MAF: variants seen among roughly 807,000 people sequenced by gnomAD.
The protein encoded by MAF is transcription factor Maf.
In MAF, 10 loss-of-function variants were observed where a neutral mutation model predicts 22.0. The observed-to-expected ratio is 0.45, with a 90% CI of 0.28 to 0.77. The LOEUF (loss-of-function observed/expected upper bound fraction) is 0.77, where lower values mean the gene tolerates loss of function less well. MAF is among the 30% of genes least tolerant of loss of function. The pLI is 0.12. For missense variants in MAF, 544 were observed against 548.4 expected (o/e 0.99, Z 0.08); for synonymous variants, 337 against 255.8 (o/e 1.32, Z -3.03).
chr16:79,389,843 G>T, the MAF span, among the ~76,000 whole-genome samples: 2 of 151,596 alleles, frequency 1.3e-5, no homozygotes, highest in Non-Finnish European at 2.9e-5. Context: ...AGGCGTGGTG[G>T]TGGGCGCCTG....
chr16:79,594,559 A>T lies in MAF; in HGVS notation c.1119-6T>A, dbSNP rs746517925. Reference sequence around the variant, plus strand: ...ACTTGCGAGTGGGCTCAGTTCTGTAATTGGAATGAAAGGAATTTTAACACT... The same window carrying T: ...ACTTGCGAGTGGGCTCAGTTCTGTATTTGGAATGAAAGGAATTTTAACACT... On this transcript the variant is annotated splice_region_variant and splice_polypyrimidine_tract_variant and intron_variant, in intron 1 of 1. Coordinates refer to ENST00000326043, the MANE Select transcript of MAF (RefSeq NM_005360.5). 7 of 1,557,068 alleles carry T rather than the reference A, an allele frequency of 4.5e-6. No homozygotes were observed. Among genetic ancestry groups the T allele is most frequent in the Non-Finnish European group, 6.1e-6 (7 of 1,148,872 alleles).
At chr16:79,541,445 A>G in the MAF span, among the ~76,000 whole-genome samples, 5 of 152,034 alleles carry the variant, frequency 3.3e-5, no homozygotes, top group Non-Finnish European at 5.9e-5. Context: ...CAGGGACTCT[A>G]GGCACAGTAG....
At chr16:79,437,702 C>T in the MAF span, among the ~76,000 whole-genome samples, 3 of 152,124 alleles carry the variant, frequency 2.0e-5, no homozygotes, top group Admixed American at 6.5e-5. Flanking sequence ...TTACTCTCTG[C>T]TAGCTTCCAG....
chr16:79,407,101 C>T, the MAF span, among the ~76,000 whole-genome samples: 3 of 152,206 alleles, frequency 2.0e-5, no homozygotes, highest in Non-Finnish European at 2.9e-5. Flanking sequence ...GGGAGGGTGT[C>T]GTCTGGCAGT....
At chr16:79,575,886 G>A in the MAF span, among the ~76,000 whole-genome samples, 1 of 152,072 alleles carries the variant, frequency 6.6e-6, no homozygotes, top group Non-Finnish European at 1.5e-5. Context: ...TCCTTGGAAG[G>A]CTCATTCCAT....
At chr16:79,239,752 A>C in the MAF span, among the ~76,000 whole-genome samples, 1 of 152,150 alleles carries the variant, frequency 6.6e-6, no homozygotes, top group East Asian at 1.9e-4. Flanking sequence ...AATCCCCAGA[A>C]GTTAGGATAG....
At chr16:79,379,221 A>G in the MAF span, among the ~76,000 whole-genome samples, 4 of 152,172 alleles carry the variant, frequency 2.6e-5, no homozygotes, top group African/African-American at 9.7e-5. Context: ...ACCCTAATAG[A>G]TTGGTTGTGT....
chr16:79,479,807 A>T, the MAF span, among the ~76,000 whole-genome samples: 35 of 152,278 alleles, frequency 2.3e-4, no homozygotes, highest in Admixed American at 4.6e-4. Flanking sequence ...GGCATTGTTG[A>T]CCTCATGTTA....
chr16:79,281,652 G>A, the MAF span, among the ~76,000 whole-genome samples: 3 of 150,282 alleles, frequency 2.0e-5, no homozygotes, highest in Non-Finnish European at 1.5e-5. Context: ...AGGTTCAAGC[G>A]ATTCTCCTTC....
At chr16:79,375,378 C>A in the MAF span, among the ~76,000 whole-genome samples, 1 of 152,132 alleles carries the variant, frequency 6.6e-6, no homozygotes, top group Non-Finnish European at 1.5e-5. Flanking sequence ...CTCAGATGCC[C>A]AGATAGTTCA....
the MAF span, among the ~76,000 whole-genome samples, chr16:79,482,256 C>T: frequency 5.9e-5 from 9 of 152,160 alleles, no homozygotes; most frequent in Admixed American, 1.3e-4. Context: ...ATTCTTGGCA[C>T]TTTCCTTCTT....
At chr16:79,573,280 A>T in the MAF span, among the ~76,000 whole-genome samples, 1 of 152,202 alleles carries the variant, frequency 6.6e-6, no homozygotes, top group African/African-American at 2.4e-5. Context: ...TGCTTATGTC[A>T]TCAAACTTAC....
the MAF span, among the ~76,000 whole-genome samples, chr16:79,301,887 G>C: frequency 6.6e-6 from 1 of 152,242 alleles, no homozygotes; most frequent in African/African-American, 2.4e-5. Flanking sequence ...AGTGGGGAAA[G>C]TGGCTCAGAG....
At chr16:79,441,668 G>T in the MAF span, among the ~76,000 whole-genome samples, 3 of 152,198 alleles carry the variant, frequency 2.0e-5, no homozygotes, top group African/African-American at 7.2e-5. Context: ...GCCTGCCCTG[G>T]CTCAGAAGCC....
the MAF span, among the ~76,000 whole-genome samples, chr16:79,417,026 T>C: frequency 1.3e-5 from 2 of 152,208 alleles, no homozygotes; most frequent in African/African-American, 4.8e-5. Flanking sequence ...GTTTCCACAA[T>C]GCCAGAATTC....
chr16:79,582,808 A>G (rs1211098028), downstream of MAF, among the ~76,000 whole-genome samples: 1 of 152,212 alleles, frequency 6.6e-6, no homozygotes, highest in Non-Finnish European at 1.5e-5. Context: ...CTCCAAATCT[A>G]CAGCAGAGAG....
At chr16:79,271,222 A>G in the MAF span, among the ~76,000 whole-genome samples, 1 of 152,102 alleles carries the variant, frequency 6.6e-6, no homozygotes, top group Non-Finnish European at 1.5e-5. Context: ...AGCCATGGCC[A>G]CAGTTTTCAA....
the MAF span, among the ~76,000 whole-genome samples, chr16:79,507,114 CTTT>C: frequency 1.7e-4 from 20 of 115,158 alleles, no homozygotes; most frequent in Non-Finnish European, 9.4e-5. Context: ...TTTTCTGCGT[CTTT>C]TTTTTTTTTT....
At chr16:79,224,033 CA>C in the MAF span, among the ~76,000 whole-genome samples, 1 of 152,088 alleles carries the variant, frequency 6.6e-6, no homozygotes, top group African/African-American at 2.4e-5. Context: ...ATCCTGATAC[CA>C]AAACCTGGCA....
Sources: allele counts gnomAD v4.1 joint callset (sites outside exome capture counted in the v4.1 genomes callset), GRCh38; gene constraint gnomAD v4.1.1; transcripts MANE v1.5; gene names NCBI Gene and HGNC (gene_info 2026-07-23, HGNC 2026-07-21).